The following PROX1 variants were observed in gnomAD, a reference collection of about 807,000 sequenced individuals.
The protein encoded by PROX1 is prospero homeobox 1.
A neutral mutation model predicts 58.8 loss-of-function variants in PROX1; 7 were observed. The observed-to-expected ratio is 0.12, with a 90% CI of 0.07 to 0.22. The LOEUF (loss-of-function observed/expected upper bound fraction) is 0.22. Ranked by LOEUF, PROX1 falls within the 10% of genes least tolerant of loss-of-function variation. The pLI is 1.00. For missense variants in PROX1, 675 were observed against 927.8 expected, an observed-to-expected ratio of 0.73 and a Z score of 3.54; for synonymous variants, 350 against 358.3, an observed-to-expected ratio of 0.98 and a Z score of 0.26.
At chr1:214,019,490 G>C (rs1256440271) in intron 4 of PROX1, among the ~76,000 whole-genome samples, 2 of 152,150 alleles carry the variant, frequency 1.3e-5, no homozygotes, top group Non-Finnish European at 2.9e-5. Context: ...GGGTTGGATA[G>C]AAAACACCCA....
chr1:214,006,147 G>A (rs1663702948), intron 3 of PROX1, among the ~76,000 whole-genome samples: 1 of 151,832 alleles, frequency 6.6e-6, no homozygotes, highest in Non-Finnish European at 1.5e-5. Context: ...AGGGGTGGGT[G>A]TTTTTTCCCC....
At chr1:214,011,435 G>A (rs1266479054) in intron 3 of PROX1, 86 bp from the exon 4 acceptor site, 1 of 1,275,112 alleles carries the variant, frequency 7.8e-7, no homozygotes, top group East Asian at 2.4e-5. Flanking sequence ...GAAGGGACGG[G>A]AACATTAAAA....
chr1:214,024,666 T>C (rs1293636209), intron 4 of PROX1, among the ~76,000 whole-genome samples: 15 of 152,184 alleles, frequency 9.9e-5, no homozygotes, highest in Non-Finnish European at 1.9e-4. Flanking sequence ...CACAGACTAG[T>C]TTTAATATTA....
At chr1:214,008,204 A>T (rs1663784495) in intron 3 of PROX1, among the ~76,000 whole-genome samples, 1 of 152,092 alleles carries the variant, frequency 6.6e-6, no homozygotes, top group South Asian at 2.1e-4. Flanking sequence ...GGAATGTGCC[A>T]CCACGCCTGG....
At chr1:214,005,054 C>A in intron 2 of PROX1, 111 bp from the exon 3 acceptor site, 3 of 780,532 alleles carry the variant, frequency 3.8e-6, no homozygotes, top group African/African-American at 1.7e-5. Flanking sequence ...TTCCAGCACT[C>A]CCACCGCAGC....
At position 214,005,599 on chromosome 1, in the gene PROX1, C is replaced by T. The variant is rs1176093643; in HGVS notation, c.1833+327C>T. Among the ~76,000 whole-genome samples, 6 of 152,252 alleles carry T rather than the reference C, an allele frequency of 3.9e-5. No homozygotes were observed. In the South Asian group the frequency reaches 1.0e-3, roughly 26 times the overall value. On this transcript the variant is annotated intron_variant, in intron 3 of 4. Coordinates refer to ENST00000366958, the MANE Select transcript of PROX1 (RefSeq NM_001270616.2). ...GTGTGCTTTAGAGAATGTTTTTTCC[C>T]TCCCCTCAGCAACAGTAAACTGTTT... is the stretch of plus-strand genomic sequence containing the variant.
intron 4 of PROX1, chr1:214,029,986 A>G (rs1259409164): frequency 2.0e-5 from 3 of 152,636 alleles, no homozygotes; most frequent in Non-Finnish European, 4.4e-5. Flanking sequence ...CAGCTGATGC[A>G]TGTGATGTTA....
intron 3 of PROX1, among the ~76,000 whole-genome samples, chr1:214,009,121 C>A (rs1379054853): frequency 2.6e-5 from 4 of 152,144 alleles, no homozygotes; most frequent in Non-Finnish European, 4.4e-5. Context: ...TTCCCTCCAC[C>A]CCTTGAGTCA....
At chr1:214,013,917 G>A (rs1007459044) in intron 4 of PROX1, among the ~76,000 whole-genome samples, 1 of 152,154 alleles carries the variant, frequency 6.6e-6, no homozygotes, top group African/African-American at 2.4e-5. Context: ...GTGAAAAGAA[G>A]GGAAGAAAGC....
intron 1 of PROX1, among the ~76,000 whole-genome samples, chr1:213,992,685 C>A (rs1009342777): frequency 1.3e-5 from 2 of 152,086 alleles, no homozygotes; most frequent in African/African-American, 2.4e-5. Context: ...AGCAGGAAAC[C>A]ATGCCAACCT....
rs1437670709 is a variant in PROX1, at chr1:214,038,855, G to A, written c.*3021G>A. Reference sequence around the variant, plus strand: ...TTTTTAAAACAAAGCGGGAGAATACGTTTTTGAAGAAGAGAATTTTTAGAA... The same window carrying A: ...TTTTTAAAACAAAGCGGGAGAATACATTTTTGAAGAAGAGAATTTTTAGAA... On this transcript the variant is annotated 3_prime_UTR_variant, in exon 5 of 5. Transcript: ENST00000366958. 3 of 152,072 alleles carry A rather than the reference G, an allele frequency of 2.0e-5. No individual in the cohort carries two copies. Among genetic ancestry groups the A allele is most frequent in the Non-Finnish European group, 2.9e-5 (2 of 67,998 alleles). 9.4% of individuals were successfully genotyped at this position (152,072 alleles called of 1,614,324 possible). A position where few individuals can be genotyped will look rare whatever the true frequency, so the allele number is the denominator to read the frequency against.
In PROX1 at chr1:214,013,549, A is replaced by T. The variant is rs1005452156; in HGVS notation, c.2028+1834A>T. Among the ~76,000 whole-genome samples the T allele has an allele frequency of 1.1e-4, 15 of 141,026 alleles. No homozygotes were observed. The South Asian group carries it at 2.7e-3, about 26-fold the overall frequency. 92.5% of individuals were successfully genotyped at this position (141,026 alleles called of 152,430 possible). A position where few individuals can be genotyped will look rare whatever the true frequency, so the allele number is the denominator to read the frequency against. On this transcript the variant is annotated intron_variant, in intron 4 of 4. Transcript: ENST00000366958. The stretch of plus-strand genomic sequence containing the variant: ...GCTATATAAAATACCCAAGAGGACA[A>T]GTCCTTAAAGTGCGCACGAGGGTTT...
At chr1:213,993,534 A>G (rs1663112561) in intron 1 of PROX1, among the ~76,000 whole-genome samples, 2 of 152,214 alleles carry the variant, frequency 1.3e-5, no homozygotes, top group African/African-American at 4.8e-5. Flanking sequence ...ATGGTAACGT[A>G]ACAGTACATT....
upstream of PROX1, chr1:213,984,084 C>G (rs1457128957): frequency 6.6e-6 from 1 of 152,182 alleles, no homozygotes; most frequent in Non-Finnish European, 1.5e-5. Context: ...CGAAGAGCTC[C>G]CAGCCTACAC....
intron 4 of PROX1, among the ~76,000 whole-genome samples, chr1:214,016,751 G>A (rs1664111567): frequency 6.6e-6 from 1 of 152,176 alleles, no homozygotes; most frequent in South Asian, 2.1e-4. Context: ...GGGTTGAAGG[G>A]CTAGGGGGTG....
chr1:214,017,643 C>T (rs574781224), intron 4 of PROX1, among the ~76,000 whole-genome samples: 49 of 151,712 alleles, frequency 3.2e-4, no homozygotes, highest in Non-Finnish European at 6.0e-4. Flanking sequence ...CAAGGGCAGG[C>T]GCACACACAA....
chr1:213,989,012 G>C (rs974183887), intron 1 of PROX1, among the ~76,000 whole-genome samples: 3 of 151,700 alleles, frequency 2.0e-5, no homozygotes, highest in East Asian at 2.0e-4. Context: ...CTCCGGGGCC[G>C]GTCCCCTTGT....
intron 4 of PROX1, among the ~76,000 whole-genome samples, chr1:214,022,964 C>T (rs1214797618): frequency 6.6e-6 from 1 of 152,200 alleles, no homozygotes; most frequent in Non-Finnish European, 1.5e-5. Flanking sequence ...GACTCTGCTG[C>T]AGCTTAATTA....
chr1:214,016,117 A>G (rs999212548), intron 4 of PROX1, among the ~76,000 whole-genome samples: 1 of 152,176 alleles, frequency 6.6e-6, no homozygotes, highest in African/African-American at 2.4e-5. Context: ...GACACATGAC[A>G]GGGAAGAAGG....
Sources: allele counts gnomAD v4.1 joint callset (sites outside exome capture counted in the v4.1 genomes callset), GRCh38; gene constraint gnomAD v4.1.1; transcripts MANE v1.5; gene names NCBI Gene and HGNC (gene_info 2026-07-23, HGNC 2026-07-21).